Variants in WDFY3 observed in about 807,000 individuals in gnomAD.
The protein encoded by WDFY3 is WD repeat and FYVE domain containing 3.
In WDFY3, 66 loss-of-function variants were observed where a neutral mutation model predicts 409.6. The ratio of observed to expected loss-of-function variants is 0.16; its 90% CI spans 0.13 to 0.20. The LOEUF (loss-of-function observed/expected upper bound fraction) is 0.20. WDFY3 is among the 10% of genes least tolerant of loss of function. The pLI, the probability that WDFY3 is intolerant of heterozygous loss-of-function variation, is 1.00. For missense variants in WDFY3, 3,031 were observed against 4,298.1 expected (o/e 0.71, Z 8.24); for synonymous variants, 1,521 against 1,537.1 (o/e 0.99, Z 0.25).
chr4:84,944,431 T>C (rs1772547449), intron 1 of WDFY3, among the ~76,000 whole-genome samples: 1 of 151,606 alleles, frequency 6.6e-6, no homozygotes, highest in Non-Finnish European at 1.5e-5. Context: ...ACTTGGAAGG[T>C]TGAGGTGGGA....
At chr4:84,734,005 G>A (rs1737028551) in intron 43 of WDFY3, among the ~76,000 whole-genome samples, 1 of 152,164 alleles carries the variant, frequency 6.6e-6, no homozygotes, top group Non-Finnish European at 1.5e-5. Context: ...ACCACAACAT[G>A]TACGGGGGAT....
At chr4:84,943,988 T>C (rs1462757036) in intron 1 of WDFY3, among the ~76,000 whole-genome samples, 1 of 152,154 alleles carries the variant, frequency 6.6e-6, no homozygotes, top group Non-Finnish European at 1.5e-5. Context: ...CTTTTGTTAA[T>C]TATAGAGCAA....
rs1738175476 is a variant in WDFY3, at chr4:84,740,284, G to A, written c.6367C>T (p.Leu2123Phe). The A allele has an allele frequency of 2.5e-6, 4 of 1,613,884 alleles. No individual in the cohort carries two copies. Among genetic ancestry groups the A allele is most frequent in the Non-Finnish European group, 3.4e-6 (4 of 1,180,012 alleles). Residue 2123 changes from leucine to phenylalanine, a missense_variant, in exon 39 of 68, where the codon CTC becomes TTC. By Grantham distance (22) the Leu-to-Phe change is conservative. This residue lies in a region of WDFY3 where 314 missense variants were observed against 397.4 expected (regional missense o/e 0.79). Coordinates refer to ENST00000295888, the MANE Select transcript of WDFY3 (RefSeq NM_014991.6). ...AGGATCAAGTTTCTGTTTACAGTGA[G>A]GACCCTGAGTGAATCAAGCAGAGCT... The part of the protein sequence containing the change: ...QVALLDSLRV[L>F]TVNRNLILGP...
rs113412913 is a variant in WDFY3, at chr4:84,799,724, C to T, written c.2823-1616G>A. Reference sequence around the variant, plus strand: ...TAGAATACTCCAAATTTTCAACTCCCTACAGCAGGAAACAAAAAAGGCTTA... The same window carrying T: ...TAGAATACTCCAAATTTTCAACTCCTTACAGCAGGAAACAAAAAAGGCTTA... On this transcript the variant is annotated intron_variant, in intron 17 of 67. Transcript: ENST00000295888. Among the ~76,000 whole-genome samples, 642 of 152,132 alleles carry T rather than the reference C, an allele frequency of 4.2e-3. 2 individuals carry two copies. The highest frequency in any genetic ancestry group is 0.013 in the African/African-American group (558 of 41,510).
intron 57 of WDFY3, 83 bp downstream of exon 57, chr4:84,696,649 A>G (rs1170015905): frequency 2.2e-6 from 3 of 1,374,944 alleles, no homozygotes; most frequent in Non-Finnish European, 3.1e-6. Flanking sequence ...AACAGGTGGT[A>G]CTCTGGCTAG....
Position 84,845,502 on chromosome 4 carries a change from T to C in WDFY3, c.305-4239A>G, listed in dbSNP as rs1757966828. Among the ~76,000 whole-genome samples the C allele has an allele frequency of 4.6e-5, 7 of 152,124 alleles. No homozygotes were observed. The South Asian group carries it at 1.4e-3, about 31-fold the overall frequency. ...CACAAAAAGCTCTAGAGATCTGCTGTACAGCATGGTATGTATAGTTAACAG... is the reference window on the plus strand; with the variant it reads ...CACAAAAAGCTCTAGAGATCTGCTGCACAGCATGGTATGTATAGTTAACAG... On this transcript the variant is annotated intron_variant, in intron 5 of 67. Coordinates refer to ENST00000295888, the MANE Select transcript of WDFY3 (RefSeq NM_014991.6).
intron 27 of WDFY3, among the ~76,000 whole-genome samples, chr4:84,776,930 T>C (rs1560732339): frequency 6.6e-6 from 1 of 152,084 alleles, no homozygotes; most frequent in East Asian, 1.9e-4. Flanking sequence ...AAAGAAGTGA[T>C]AGTTATCCTA....
At chr4:84,689,199 G>A (rs539430951) in intron 61 of WDFY3, among the ~76,000 whole-genome samples, 27 of 152,216 alleles carry the variant, frequency 1.8e-4, no homozygotes, top group African/African-American at 5.8e-4. Context: ...ACAGATTGAA[G>A]GTTGATAAAT....
chr4:84,757,176 A>G lies in WDFY3; in HGVS notation c.5189-15T>C. The G allele has an allele frequency of 6.2e-7, 1 of 1,604,338 alleles. No homozygotes were observed. The highest frequency in any genetic ancestry group is 8.5e-7 in the Non-Finnish European group (1 of 1,171,752). ...CACGTTGAATCCTAAGAGAAGAGGA[A>G]TATAACAGTAAGTGCAAAATCAGCA... is the stretch of plus-strand genomic sequence containing the variant. On this transcript the variant is annotated splice_polypyrimidine_tract_variant and intron_variant, in intron 32 of 67. Transcript: ENST00000295888.
intron 8 of WDFY3, among the ~76,000 whole-genome samples, chr4:84,829,871 G>A (rs1461823594): frequency 6.9e-6 from 1 of 144,474 alleles, no homozygotes; most frequent in Non-Finnish European, 1.5e-5. Context: ...ATAGACCAAT[G>A]AGATACAGAA....
chr4:84,696,165 G>A lies in WDFY3; in HGVS notation c.8706C>T (p.Tyr2902=), dbSNP rs1400966130. The change falls in exon 58 of 68, where the codon TAC becomes TAT. Residue 2902 remains tyrosine (Y), a synonymous_variant. Transcript: ENST00000295888. ...RVHREALECD[Y]VSAHLHEWID... ...TCCACTCATGTAGATGGGCACTCAC[G>A]TAATCACACTCCAAAGCCTGTAATT... is the stretch of plus-strand genomic sequence containing the variant. 9 of 1,614,076 alleles carry A rather than the reference G, an allele frequency of 5.6e-6. No homozygotes were observed. The highest frequency in any genetic ancestry group is 3.3e-4 in the Middle Eastern group (2 of 6,062).
chr4:84,941,222 C>G (rs1772079594), intron 1 of WDFY3, among the ~76,000 whole-genome samples: 1 of 151,860 alleles, frequency 6.6e-6, no homozygotes, highest in African/African-American at 2.4e-5. Context: ...AGATAGAAAA[C>G]CCCAAAGAGT....
rs1734845509 is a variant in WDFY3, at chr4:84,721,481, C to T, written c.7533G>A (p.Glu2511=). The change falls in exon 47 of 68, where the codon GAG becomes GAA. Residue 2511 remains glutamate (E), a synonymous_variant. Transcript: ENST00000295888. ...TCTCCTCCTCTTCTATGGAGCTGCC[C>T]TCAGCAATCTGGTCTTGTAGCTGCT... is the stretch of plus-strand genomic sequence containing the variant. ...NQEQLQDQIA[E]GSSIEEEEKT... is the part of the protein sequence containing the mutation. The T allele has an allele frequency of 1.2e-6, 2 of 1,613,184 alleles. No homozygotes were observed. The highest frequency in any genetic ancestry group is 1.3e-5 in the African/African-American group (1 of 74,924).
At position 84,713,111 on chromosome 4, in the gene WDFY3, T is replaced by A. The variant is rs61624886; in HGVS notation, c.8042+48A>T. 14,069 of 1,584,374 alleles carry A rather than the reference T, an allele frequency of 8.9e-3. 878 individuals are homozygous for A. In the East Asian group the frequency reaches 0.19, roughly 21 times the overall value. On this transcript the variant is annotated intron_variant, in intron 51 of 67. Coordinates refer to ENST00000295888, the MANE Select transcript of WDFY3 (RefSeq NM_014991.6). ...AATAATACTGTCCAGATATGAATCA[T>A]CCCAACTTCACTATTAAACTGTAAC...
At chr4:84,745,395 G>C (rs1739256080) in intron 36 of WDFY3, among the ~76,000 whole-genome samples, 1 of 152,148 alleles carries the variant, frequency 6.6e-6, no homozygotes, top group Non-Finnish European at 1.5e-5. Flanking sequence ...GAGAGATCCA[G>C]GACTGTATTT....
rs556488500 is a variant in WDFY3 at position 84,758,512 on chromosome 4, C to T, written c.5189-1351G>A. Among the ~76,000 whole-genome samples, 15 of 152,238 alleles carry T rather than the reference C, an allele frequency of 9.9e-5. No individual in the cohort carries two copies. The South Asian group carries it at 3.1e-3, about 32-fold the overall frequency. ...ATGCTCCCGTCTTAGCCTCCCAAAG[C>T]ACTAAGATTACAGGCATGAGAGACT... On this transcript the variant is annotated intron_variant, in intron 32 of 67. Coordinates refer to ENST00000295888, the MANE Select transcript of WDFY3 (RefSeq NM_014991.6).
At chr4:84,933,595 T>C (rs1222746397) in intron 1 of WDFY3, among the ~76,000 whole-genome samples, 2 of 152,214 alleles carry the variant, frequency 1.3e-5, no homozygotes, top group Non-Finnish European at 2.9e-5. Context: ...TGTCACCCTA[T>C]TGTGCTACCA....
chr4:84,765,687 A>G, intron 32 of WDFY3, 123 bp downstream of exon 32: 2 of 748,828 alleles, frequency 2.7e-6, no homozygotes, highest in Non-Finnish European at 4.1e-6. Context: ...TCCTTCTATC[A>G]TTAATTAAAA....
intron 1 of WDFY3, among the ~76,000 whole-genome samples, chr4:84,939,723 TA>T (rs963543735): frequency 2.4e-4 from 35 of 147,398 alleles, no homozygotes; most frequent in African/African-American, 6.2e-4. Context: ...TGTTCTTATT[TA>T]AAAAAAAAAA....
Sources: allele counts gnomAD v4.1 joint callset (sites outside exome capture counted in the v4.1 genomes callset), GRCh38; gene constraint gnomAD v4.1.1; regional missense constraint gnomAD v4.1.1; transcripts MANE v1.5; gene names NCBI Gene and HGNC (gene_info 2026-07-23, HGNC 2026-07-21).